The following RELN variants were observed in gnomAD, a reference collection of about 807,000 sequenced individuals.
The protein encoded by RELN is reelin.
A neutral mutation model predicts 427.6 loss-of-function variants in RELN; 108 were observed. That is an observed-to-expected ratio of 0.25 (90% CI 0.22 to 0.30). The LOEUF (loss-of-function observed/expected upper bound fraction) is 0.30, where lower values mean the gene tolerates loss of function less well. Among genes scored for constraint, RELN ranks in the 10% least tolerant of loss-of-function variants. The pLI, the probability that RELN is intolerant of heterozygous loss-of-function variation, is 1.00. For synonymous variants in RELN, 1,524 were observed against 1,513.4 expected, an observed-to-expected ratio of 1.01 and a Z score of -0.16; for missense variants, 3,715 against 4,302.8, an observed-to-expected ratio of 0.86 and a Z score of 3.82.
chr7:103,748,594 A>G lies in RELN; in HGVS notation c.656+832T>C, dbSNP rs531945757. On this transcript the variant is annotated intron_variant, in intron 6 of 64. Coordinates refer to ENST00000428762, the MANE Select transcript of RELN (RefSeq NM_005045.4). ...ACCATACCTCTTTTTAATTTACTAT[A>G]AAAATAAAATGATTATTGCTAAATA... 2.6e-5 allele frequency among the ~76,000 whole-genome samples: 4 copies of G among 152,326 alleles called. No individual in the cohort carries two copies. In the South Asian group the frequency reaches 8.3e-4, roughly 32 times the overall value.
At chr7:103,776,727 T>G (rs1270907029) in intron 3 of RELN, 100 bp from the exon 4 acceptor site, 2 of 1,184,006 alleles carry the variant, frequency 1.7e-6, no homozygotes, top group Non-Finnish European at 2.5e-6. Context: ...AACTTTATTG[T>G]GTGGATATGA....
At chr7:103,646,720 C>T (rs1162342487) in intron 16 of RELN, among the ~76,000 whole-genome samples, 1 of 151,904 alleles carries the variant, frequency 6.6e-6, no homozygotes, top group Non-Finnish European at 1.5e-5. Context: ...ACCAATCCTG[C>T]TAAAACTGTT....
chr7:103,489,375 G>T (rs732768), intron 60 of RELN, among the ~76,000 whole-genome samples: 7,973 of 152,124 alleles, frequency 0.052, 668 homozygotes, highest in African/African-American at 0.18. Flanking sequence ...AGGAAGGAGG[G>T]AGGCCCAGAA....
intron 6 of RELN, among the ~76,000 whole-genome samples, chr7:103,747,548 A>T (rs1790874980): frequency 6.6e-6 from 1 of 151,910 alleles, no homozygotes. Context: ...GAAGAGTCAA[A>T]CCAGGGTAGT....
intron 50 of RELN, chr7:103,512,629 C>T (rs1460258979): frequency 1.3e-5 from 2 of 152,128 alleles, no homozygotes; most frequent in Non-Finnish European, 2.9e-5. Flanking sequence ...CTCTCTTAAC[C>T]CCTTCCTCCA....
chr7:103,874,693 C>T (rs920128854), intron 2 of RELN, among the ~76,000 whole-genome samples: 9 of 148,750 alleles, frequency 6.1e-5, no homozygotes, highest in Admixed American at 6.7e-5. Context: ...AATCACTGCT[C>T]AAGGAAATAA....
intron 1 of RELN, among the ~76,000 whole-genome samples, chr7:103,962,653 TG>T (rs1474117692): frequency 5.1e-5 from 3 of 58,560 alleles, no homozygotes; most frequent in Admixed American, 1.3e-4. Flanking sequence ...TTGTTGTGTG[TG>T]TGTGTGTGTG....
intron 17 of RELN, among the ~76,000 whole-genome samples, chr7:103,637,458 T>C (rs937235131): frequency 4.6e-5 from 7 of 152,212 alleles, no homozygotes; most frequent in African/African-American, 1.4e-4. Flanking sequence ...CTTGGGTCTA[T>C]GCTGGCCTTT....
rs758883183 is a variant in RELN at position 103,545,337 on chromosome 7, G to A, written c.6310C>T (p.Arg2104Cys). Reference protein sequence around the residue: ...FGKLHLCGSVRFRWYQGFYPA... With the variant: ...FGKLHLCGSVCFRWYQGFYPA... ...TAAAATCCCTGGTACCATCTGAAACGGACAGATCTGGAAAAGAGGACAAGT... is the reference window on the plus strand; with the variant it reads ...TAAAATCCCTGGTACCATCTGAAACAGACAGATCTGGAAAAGAGGACAAGT... The change falls in exon 42 of 65, where the codon CGT becomes TGT. Residue 2104 changes from arginine to cysteine, a missense_variant. By Grantham distance (180) the Arg-to-Cys change is radical. Coordinates refer to ENST00000428762, the MANE Select transcript of RELN (RefSeq NM_005045.4). 22 of 1,609,938 alleles carry A rather than the reference G, an allele frequency of 1.4e-5. No individual in the cohort carries two copies. The East Asian group carries it at 1.8e-4, about 13-fold the overall frequency.
intron 8 of RELN, among the ~76,000 whole-genome samples, chr7:103,710,675 C>G (rs1296085109): frequency 6.6e-6 from 1 of 152,216 alleles, no homozygotes; most frequent in Non-Finnish European, 1.5e-5. Context: ...TCTGATCTAA[C>G]AAGCTAGAGG....
intron 2 of RELN, among the ~76,000 whole-genome samples, chr7:103,889,855 C>T (rs1794807274): frequency 6.6e-6 from 1 of 152,156 alleles, no homozygotes; most frequent in Non-Finnish European, 1.5e-5. Context: ...GAAACATTTT[C>T]CCAACCTCCT....
intron 31 of RELN, among the ~76,000 whole-genome samples, chr7:103,571,910 G>A (rs563157773): frequency 1.2e-4 from 19 of 152,106 alleles, no homozygotes; most frequent in South Asian, 8.3e-4. Flanking sequence ...GCCTCCCTGC[G>A]GATAGTATAA....
intron 4 of RELN, among the ~76,000 whole-genome samples, chr7:103,757,398 G>C (rs1403770678): frequency 6.6e-6 from 1 of 151,926 alleles, no homozygotes; most frequent in African/African-American, 2.4e-5. Context: ...CATTTTATTG[G>C]TCTGTTACTG....
At chr7:103,708,403 A>C (rs1054134002) in intron 8 of RELN, among the ~76,000 whole-genome samples, 2 of 151,484 alleles carry the variant, frequency 1.3e-5, no homozygotes, top group African/African-American at 4.9e-5. Flanking sequence ...GTAAAACATC[A>C]TTTAATACTG....
intron 16 of RELN, among the ~76,000 whole-genome samples, chr7:103,649,635 T>C (rs984512164): frequency 2.0e-5 from 3 of 150,374 alleles, no homozygotes; most frequent in African/African-American, 5.0e-5. Context: ...GTATAAGAAA[T>C]GTACAGACAT....
chr7:103,623,062 A>G (rs1263274071), intron 20 of RELN, among the ~76,000 whole-genome samples: 1 of 152,230 alleles, frequency 6.6e-6, no homozygotes, highest in Non-Finnish European at 1.5e-5. Flanking sequence ...TTATAAATCT[A>G]TTCCATTATG....
chr7:103,562,055 T>C, intron 34 of RELN, 102 bp from the exon 35 acceptor site: 1 of 1,336,500 alleles, frequency 7.5e-7, no homozygotes, highest in Non-Finnish European at 1.0e-6. Flanking sequence ...TAAAGTGCCT[T>C]CCTCCAGGGT....
rs769049128 is a variant in RELN at position 103,472,762 on chromosome 7, G to A, written c.*50C>T. The A allele has an allele frequency of 3.7e-6, 5 of 1,355,670 alleles. No individual in the cohort carries two copies. Among genetic ancestry groups the A allele is most frequent in the Non-Finnish European group, 5.3e-6 (5 of 945,908 alleles). The allele number at this position is 1,355,670 out of a possible 1,614,324, so 84.0% of individuals were successfully genotyped here. ...ATGTAGTGCGAGATTTAAAAGAATG[G>A]AGAGCAACACATCACATGTTGGAAG... On this transcript the variant is annotated 3_prime_UTR_variant, in exon 65 of 65. Transcript: ENST00000428762.
chr7:103,755,521 T>G (rs1040699001), intron 4 of RELN, among the ~76,000 whole-genome samples: 1 of 150,762 alleles, frequency 6.6e-6, no homozygotes, highest in Non-Finnish European at 1.5e-5. Context: ...GGCAGGAGAA[T>G]GGCGTGAACC....
Sources: gnomAD v4.1 joint callset for allele counts (sites outside exome capture counted in the v4.1 genomes callset) on GRCh38, gnomAD v4.1.1 for gene constraint, MANE v1.5 for transcripts, NCBI Gene and HGNC (gene_info 2026-07-23, HGNC 2026-07-21) for gene names.